Variants in GMEB1 observed in about 807,000 individuals in gnomAD.
GMEB1 encodes glucocorticoid modulatory element-binding protein 1.
In GMEB1, 6 loss-of-function variants were observed where a neutral mutation model predicts 52.4. The observed-to-expected ratio is 0.11, with a 90% CI of 0.06 to 0.23. GMEB1 has a LOEUF of 0.23. Ranked by LOEUF, GMEB1 falls within the 10% of genes least tolerant of loss-of-function variation. The pLI, the probability that GMEB1 is intolerant of heterozygous loss-of-function variation, is 1.00. For synonymous variants in GMEB1, 255 were observed against 244.9 expected, an observed-to-expected ratio of 1.04 and a Z score of -0.38; for missense variants, 486 against 685.6, an observed-to-expected ratio of 0.71 and a Z score of 3.25.
chr1:28,677,094 T>C (rs1570381636), intron 1 of GMEB1, among the ~76,000 whole-genome samples: 1 of 152,140 alleles, frequency 6.6e-6, no homozygotes, highest in African/African-American at 2.4e-5. Flanking sequence ...GTGTGTAAGA[T>C]GTATGTGAAA....
intron 1 of GMEB1, among the ~76,000 whole-genome samples, chr1:28,678,561 G>A (rs1282882988): frequency 1.3e-5 from 2 of 151,886 alleles, no homozygotes; most frequent in Non-Finnish European, 2.9e-5. Flanking sequence ...CGCCTGCCTC[G>A]GCCTCCCAAA....
intron 5 of GMEB1, among the ~76,000 whole-genome samples, chr1:28,693,605 C>G (rs962597261): frequency 6.6e-6 from 1 of 151,942 alleles, no homozygotes; most frequent in Admixed American, 6.6e-5. Context: ...CAACCTCGGC[C>G]TCCCGGGTTC....
At chr1:28,678,428 G>C (rs1035396943) in intron 1 of GMEB1, among the ~76,000 whole-genome samples, 3 of 150,668 alleles carry the variant, frequency 2.0e-5, no homozygotes, top group African/African-American at 7.3e-5. Flanking sequence ...TCCTGCCTCA[G>C]CCTCCCGAGT....
chr1:28,690,600 C>T (rs1039394706), intron 3 of GMEB1, among the ~76,000 whole-genome samples: 1 of 152,162 alleles, frequency 6.6e-6, no homozygotes, highest in Non-Finnish European at 1.5e-5. Context: ...TTTCTCATCT[C>T]TAAATGTGTC....
chr1:28,696,048 GTTTATTTA>G (rs886397087), intron 5 of GMEB1, among the ~76,000 whole-genome samples: 239 of 88,666 alleles, frequency 2.7e-3, no homozygotes, highest in Middle Eastern at 4.7e-3. Flanking sequence ...TTTATTGTTT[GTTTATTTA>G]TTTATTTATT....
At chr1:28,705,155 G>A (rs1248586319) in intron 8 of GMEB1, among the ~76,000 whole-genome samples, 1 of 150,044 alleles carries the variant, frequency 6.7e-6, no homozygotes, top group Non-Finnish European at 1.5e-5. Context: ...TTAGGAGGCC[G>A]AGACCGGCGG....
intron 4 of GMEB1, among the ~76,000 whole-genome samples, 168 bp from the exon 5 acceptor site, chr1:28,692,774 A>G (rs1270233964): frequency 6.6e-6 from 1 of 152,162 alleles, no homozygotes; most frequent in African/African-American, 2.4e-5. Flanking sequence ...TGCTCAGAGA[A>G]GGATCGTCTT....
intron 1 of GMEB1, among the ~76,000 whole-genome samples, chr1:28,673,039 G>A (rs1467023690): frequency 6.6e-6 from 1 of 152,084 alleles, no homozygotes; most frequent in Non-Finnish European, 1.5e-5. Context: ...AGGATTACAG[G>A]CATGTGCCAC....
In GMEB1 at chr1:28,717,229, G is replaced by A. The variant is rs926339529; in HGVS notation, c.*2456G>A. 6.7e-6 allele frequency: 1 copy of A among 148,300 alleles called. No individual in the cohort carries two copies. The highest frequency in any genetic ancestry group is 2.5e-5 in the African/African-American group (1 of 40,494). 9.2% of individuals were successfully genotyped at this position (148,300 alleles called of 1,614,324 possible). On this transcript the variant is annotated 3_prime_UTR_variant, in exon 10 of 10. Transcript: ENST00000373816. ...TTTTGAGATGGAGTCTTGCTCTGTAGCCCAGGCTGGAGTGCAATGGTGTGA... is the reference window on the plus strand; with the variant it reads ...TTTTGAGATGGAGTCTTGCTCTGTAACCCAGGCTGGAGTGCAATGGTGTGA...
In GMEB1 at chr1:28,682,051, CTGTT is replaced by C. The variant is rs572881634; in HGVS notation, c.-30-1529_-30-1526del. 1.4e-3 allele frequency among the ~76,000 whole-genome samples: 206 copies of C among 152,202 alleles called. 1 individual carries two copies. The highest frequency in any genetic ancestry group is 4.2e-3 in the African/African-American group (173 of 41,546). On this transcript the variant is annotated intron_variant, in intron 1 of 9. Transcript: ENST00000373816. ...AACTTGCATCCATTGTGTGCCTACT[CTGTT>C]TGGGCACAGTCGTAGTCATCTTTAC...
At position 28,696,981 on chromosome 1, in the gene GMEB1, C is replaced by T; in HGVS notation, c.495C>T (p.Ser165=). Residue 165 remains serine (S), a synonymous_variant, in exon 6 of 10, where the codon TCC becomes TCT. Coordinates refer to ENST00000373816, the MANE Select transcript of GMEB1 (RefSeq NM_001319674.2). ...IDFYQHDKVC[S]NTCRSTKFDL... is the part of the protein sequence containing the mutation. The stretch of plus-strand genomic sequence containing the variant: ...TTTACCAACATGACAAAGTTTGCTC[C>T]AATACCTGCAGAAGCACCAAATTTG... The T allele has an allele frequency of 8.1e-6, 13 of 1,610,492 alleles. No individual in the cohort carries two copies. Among genetic ancestry groups the T allele is most frequent in the Non-Finnish European group, 1.1e-5 (13 of 1,178,144 alleles).
At chr1:28,711,414 T>A (rs1236463735) in intron 9 of GMEB1, among the ~76,000 whole-genome samples, 1 of 152,194 alleles carries the variant, frequency 6.6e-6, no homozygotes, top group Non-Finnish European at 1.5e-5. Context: ...CATAAAGTTT[T>A]GTTTTCTGCT....
chr1:28,693,234 T>C (rs1004129968), intron 5 of GMEB1, among the ~76,000 whole-genome samples, 189 bp downstream of exon 5: 11 of 151,944 alleles, frequency 7.2e-5, no homozygotes, highest in East Asian at 1.9e-4. Flanking sequence ...TTTTTTTTTT[T>C]CTGAGATGGA....
At chr1:28,674,313 T>C (rs1669040175) in intron 1 of GMEB1, among the ~76,000 whole-genome samples, 1 of 152,064 alleles carries the variant, frequency 6.6e-6, no homozygotes, top group Admixed American at 6.6e-5. Flanking sequence ...CACACTGGTC[T>C]GGGTGACAGA....
intron 1 of GMEB1, among the ~76,000 whole-genome samples, chr1:28,672,905 ATTTT>A (rs879293036): frequency 6.6e-5 from 9 of 136,338 alleles, no homozygotes; most frequent in Non-Finnish European, 1.3e-4. Flanking sequence ...TGCCCAGATA[ATTTT>A]TTTTTTTTTG....
chr1:28,683,165 T>C (rs1051248943), intron 1 of GMEB1, among the ~76,000 whole-genome samples: 1 of 152,140 alleles, frequency 6.6e-6, no homozygotes, highest in African/African-American at 2.4e-5. Context: ...CCATGGTCTC[T>C]AGGGTGCTCT....
At position 28,694,944 on chromosome 1, in the gene GMEB1, G is replaced by A. The variant is rs1385302116; in HGVS notation, c.440+1899G>A. On this transcript the variant is annotated intron_variant, in intron 5 of 9. Coordinates refer to ENST00000373816, the MANE Select transcript of GMEB1 (RefSeq NM_001319674.2). Reference sequence around the variant, plus strand: ...CCCAAAGTGTGGGGATTACAGGCGTGAGCCACCGTGGCCAGCCTTTTTTTT... The same window carrying A: ...CCCAAAGTGTGGGGATTACAGGCGTAAGCCACCGTGGCCAGCCTTTTTTTT... Among the ~76,000 whole-genome samples the A allele has an allele frequency of 2.0e-5, 3 of 149,052 alleles. No individual in the cohort carries two copies. The East Asian group carries it at 5.9e-4, about 30-fold the overall frequency.
At chr1:28,695,537 C>A (rs1252947115) in intron 5 of GMEB1, among the ~76,000 whole-genome samples, 1 of 151,874 alleles carries the variant, frequency 6.6e-6, no homozygotes, top group Non-Finnish European at 1.5e-5. Context: ...CGGCCCACAT[C>A]ATTTTTTTAG....
chr1:28,701,901 C>T (rs1670534047), intron 6 of GMEB1, among the ~76,000 whole-genome samples: 1 of 152,260 alleles, frequency 6.6e-6, no homozygotes, highest in South Asian at 2.1e-4. Context: ...TATTTTTCCC[C>T]TCTGTGAATC....
Sources: gnomAD v4.1 joint callset for allele counts (sites outside exome capture counted in the v4.1 genomes callset) on GRCh38, gnomAD v4.1.1 for gene constraint, MANE v1.5 for transcripts, NCBI Gene and HGNC (gene_info 2026-07-23, HGNC 2026-07-21) for gene names.